EPHA7: variants seen among roughly 807,000 people sequenced by gnomAD.
EPHA7 encodes EPH receptor A7, also known as ephrin type-A receptor 7.
In EPHA7, 25 loss-of-function variants were observed where a neutral mutation model predicts 112.6. That is an observed-to-expected ratio of 0.22 (90% confidence interval 0.16 to 0.31). The LOEUF is 0.31. Among genes scored for constraint, EPHA7 ranks in the 10% least tolerant of loss-of-function variants. EPHA7 has a pLI of 1.00. For missense variants in EPHA7, 962 were observed against 1,212.6 expected (o/e 0.79, Z 3.07); for synonymous variants, 437 against 406.5 (o/e 1.07, Z -0.90).
At chr6:93,283,425 A>G (rs536901219) in intron 5 of EPHA7, among the ~76,000 whole-genome samples, 1 of 152,170 alleles carries the variant, frequency 6.6e-6, no homozygotes, top group African/African-American at 2.4e-5. Context: ...CCCCTTCCAC[A>G]CTGTGGAAGC....
intron 5 of EPHA7, among the ~76,000 whole-genome samples, chr6:93,349,172 A>G (rs1343668608): frequency 6.6e-6 from 1 of 151,832 alleles, no homozygotes; most frequent in East Asian, 1.9e-4. Flanking sequence ...TAAAATAGTT[A>G]TCTAAAATAT....
chr6:93,398,837 G>C (rs1256324023), intron 3 of EPHA7, among the ~76,000 whole-genome samples: 1 of 152,048 alleles, frequency 6.6e-6, no homozygotes, highest in Non-Finnish European at 1.5e-5. Flanking sequence ...TATAATGTTT[G>C]TGCAGAATAA....
intron 14 of EPHA7, among the ~76,000 whole-genome samples, chr6:93,248,921 G>A (rs413576): frequency 0.65 from 98,039 of 151,644 alleles, 32,716 homozygotes; most frequent in South Asian, 0.83. Flanking sequence ...TTCCATATCT[G>A]TATCTACATT....
chr6:93,264,210 A>G (rs1020224632), intron 8 of EPHA7, among the ~76,000 whole-genome samples: 1 of 151,582 alleles, frequency 6.6e-6, no homozygotes, highest in Non-Finnish European at 1.5e-5. Flanking sequence ...TGAGTCACAA[A>G]TAGTCACAGG....
chr6:93,368,655 C>G (rs1198963226), intron 3 of EPHA7, among the ~76,000 whole-genome samples: 1 of 151,990 alleles, frequency 6.6e-6, no homozygotes, highest in Non-Finnish European at 1.5e-5. Flanking sequence ...AAATCCACAG[C>G]TAAAAAGAAG....
rs73532372 is a variant in EPHA7, at chr6:93,392,486, T to C, written c.832+18015A>G. Among the ~76,000 whole-genome samples the C allele has an allele frequency of 8.3e-3, 1,257 of 152,176 alleles. 9 individuals are homozygous for C. Among genetic ancestry groups the C allele is most frequent in the African/African-American group, 0.028 (1,169 of 41,558 alleles). The stretch of plus-strand genomic sequence containing the variant: ...AAATTCCATGGCTCTCAGTTACAGA[T>C]GTCACTATTCACCTGATGATTCTCT... On this transcript the variant is annotated intron_variant, in intron 3 of 16. Coordinates refer to ENST00000369303, the MANE Select transcript of EPHA7 (RefSeq NM_004440.4).
At chr6:93,337,854 C>T (rs1257699538) in intron 5 of EPHA7, among the ~76,000 whole-genome samples, 1 of 151,964 alleles carries the variant, frequency 6.6e-6, no homozygotes, top group Admixed American at 6.6e-5. Flanking sequence ...ACTCTTGTGA[C>T]ACTGGAATAA....
intron 5 of EPHA7, among the ~76,000 whole-genome samples, chr6:93,289,333 T>G (rs952615402): frequency 6.6e-6 from 1 of 152,160 alleles, no homozygotes; most frequent in African/African-American, 2.4e-5. Context: ...TTTTGATAAT[T>G]TTTAATATAT....
intron 3 of EPHA7, among the ~76,000 whole-genome samples, chr6:93,370,398 C>T (rs529235611): frequency 6.6e-6 from 1 of 152,098 alleles, no homozygotes; most frequent in African/African-American, 2.4e-5. Flanking sequence ...AGTAAGTACA[C>T]AATACTTTCA....
chr6:93,246,240 T>TG (rs989224045), intron 15 of EPHA7, among the ~76,000 whole-genome samples: 1 of 151,800 alleles, frequency 6.6e-6, no homozygotes, highest in African/African-American at 2.4e-5. Flanking sequence ...TTAGTAGAGA[T>TG]GGGGTTTCAC....
In EPHA7 at chr6:93,245,318, T is replaced by C. The variant is rs144420536; in HGVS notation, c.2862A>G (p.Ser954=). The C allele has an allele frequency of 1.9e-4, 299 of 1,613,152 alleles. 2 individuals are homozygous for C. In the African/African-American group the frequency reaches 2.9e-3, roughly 16 times the overall value. The change falls in exon 16 of 17, where the codon TCA becomes TCG. Residue 954 remains serine, a synonymous_variant. Transcript: ENST00000369303. ...FTAAGYNSLE[S]VARMTIEDVM... ...CTTACTCAATAGTCATCCTGGCTAC[T>C]GATTCAAGGGAATTGTAGCCAGCTG...
chr6:93,258,353 C>A (rs750917524), intron 10 of EPHA7, 69 bp from the exon 11 acceptor site: 4 of 1,346,420 alleles, frequency 3.0e-6, no homozygotes, highest in Non-Finnish European at 3.0e-6. Flanking sequence ...AGAGTAAATG[C>A]GTTGAATTAT....
intron 5 of EPHA7, among the ~76,000 whole-genome samples, chr6:93,326,874 A>T (rs1420871770): frequency 6.6e-6 from 1 of 151,618 alleles, no homozygotes; most frequent in African/African-American, 2.4e-5. Context: ...TTTCTAAGAT[A>T]TAAAGCTGCA....
chr6:93,312,876 G>C (rs1050089647), intron 5 of EPHA7, among the ~76,000 whole-genome samples: 4 of 152,078 alleles, frequency 2.6e-5, no homozygotes, highest in African/African-American at 7.2e-5. Flanking sequence ...TCAAGGAATA[G>C]GAAAGCCCAA....
chr6:93,380,054 G>A (rs1420838029), intron 3 of EPHA7, among the ~76,000 whole-genome samples: 1 of 151,952 alleles, frequency 6.6e-6, no homozygotes, highest in Non-Finnish European at 1.5e-5. Context: ...TGAAGAATCT[G>A]GGTTTCTTGC....
chr6:93,312,977 C>T (rs1773618147), intron 5 of EPHA7, among the ~76,000 whole-genome samples: 1 of 152,126 alleles, frequency 6.6e-6, no homozygotes, highest in African/African-American at 2.4e-5. Context: ...TAGTCTTCTA[C>T]AGGCATGGCT....
rs2127994583 is a variant in EPHA7, at chr6:93,410,682, A to C, written c.651T>G (p.Asp217Glu). ...AGGAAAATTCTGAACCAGTCACTGTATCTGGAAAGATAGCTAAGTTCTCAA... is the reference window on the plus strand; with the variant it reads ...AGGAAAATTCTGAACCAGTCACTGTCTCTGGAAAGATAGCTAAGTTCTCAA... The part of the protein sequence containing the change: ...SIIENLAIFP[D>E]TVTGSEFSSL... Residue 217 changes from aspartate (D) to glutamate (E), a missense_variant, in exon 3 of 17, where the codon GAT (aspartate) becomes GAG (glutamate). Around this residue, in one of 3 missense-constraint regions of EPHA7, gnomAD observed 160 missense variants for 263.6 expected, o/e 0.61. Transcript: ENST00000369303. This position sits in a 1 kb window ranked among gnomAD's most constrained non-coding sequence, Gnocchi z 4.0. 6.2e-7 allele frequency: 1 copy of C among 1,614,048 alleles called. No individual in the cohort carries two copies. The highest frequency in any genetic ancestry group is 8.5e-7 in the Non-Finnish European group (1 of 1,179,962).
chr6:93,406,638 T>C (rs1366375722), intron 3 of EPHA7, among the ~76,000 whole-genome samples: 1 of 151,868 alleles, frequency 6.6e-6, no homozygotes, highest in Admixed American at 6.6e-5. Flanking sequence ...TTCCACATCT[T>C]AGTGATGTGG....
At chr6:93,402,439 G>T (rs1251661406) in intron 3 of EPHA7, among the ~76,000 whole-genome samples, 1 of 151,890 alleles carries the variant, frequency 6.6e-6, no homozygotes, top group African/African-American at 2.4e-5. Context: ...AATAACAATA[G>T]TTGTACCTGG....
Sources: allele counts gnomAD v4.1 joint callset (sites outside exome capture counted in the v4.1 genomes callset), GRCh38; gene constraint gnomAD v4.1.1; regional missense constraint gnomAD v4.1.1; non-coding constraint Gnocchi (gnomAD v3.1); transcripts MANE v1.5; gene names NCBI Gene and HGNC (gene_info 2026-07-23, HGNC 2026-07-21).